Variants in SLC43A2 observed in about 807,000 individuals in gnomAD.
SLC43A2 encodes large neutral amino acids transporter small subunit 4.
SLC43A2 carries 38 observed loss-of-function variants against 63.2 expected under a neutral mutation model. The observed-to-expected ratio is 0.60, with a 90% CI of 0.46 to 0.79. The LOEUF (loss-of-function observed/expected upper bound fraction) is 0.79. Ranked by LOEUF, SLC43A2 falls within the 30% of genes least tolerant of loss-of-function variation. The pLI is 0.00. For missense variants in SLC43A2, 644 were observed against 756.2 expected (o/e 0.85, Z 1.74); for synonymous variants, 322 against 331.0 (o/e 0.97, Z 0.30).
chr17:1,596,102 C>T (rs1230410227), intron 5 of SLC43A2, among the ~76,000 whole-genome samples: 3 of 152,058 alleles, frequency 2.0e-5, no homozygotes, highest in Admixed American at 6.6e-5. Context: ...AGGCAGATCA[C>T]GAGGTCAGCA....
chr17:1,614,157 G>C (rs1008092571), intron 4 of SLC43A2, among the ~76,000 whole-genome samples: 1 of 152,076 alleles, frequency 6.6e-6, no homozygotes, highest in African/African-American at 2.4e-5. Flanking sequence ...GCAGGAGAAT[G>C]GCGTGAACCC....
chr17:1,601,047 C>T (rs1227578723), intron 5 of SLC43A2, among the ~76,000 whole-genome samples: 1 of 140,806 alleles, frequency 7.1e-6, no homozygotes, highest in Non-Finnish European at 1.5e-5. Context: ...ACTGATTTTC[C>T]ACCCCTCCCA....
chr17:1,624,899 T>TA (rs993513199), intron 2 of SLC43A2, among the ~76,000 whole-genome samples: 20 of 151,118 alleles, frequency 1.3e-4, no homozygotes, highest in South Asian at 2.1e-4. Flanking sequence ...CTGTCTCAAA[T>TA]AAAAAAAAAC....
chr17:1,623,652 C>T (rs1025061038), intron 2 of SLC43A2, among the ~76,000 whole-genome samples: 2 of 151,492 alleles, frequency 1.3e-5, no homozygotes, highest in African/African-American at 2.4e-5. Flanking sequence ...GTACCCTCCT[C>T]TCCTCCAGGG....
chr17:1,581,318 C>T (rs2076010555), intron 11 of SLC43A2, among the ~76,000 whole-genome samples: 1 of 152,214 alleles, frequency 6.6e-6, no homozygotes, highest in Non-Finnish European at 1.5e-5. Context: ...TGACTGTCCC[C>T]ACTGAGCACT....
upstream of SLC43A2, among the ~76,000 whole-genome samples, chr17:1,629,140 C>G (rs958371272): frequency 1.3e-5 from 2 of 152,110 alleles, no homozygotes; most frequent in African/African-American, 4.8e-5. Context: ...CCCTGCGAGG[C>G]TGGGGCTCCG....
In SLC43A2 at chr17:1,593,074, G is replaced by A. The variant is rs527604455; in HGVS notation, c.594+113C>T. 4.3e-6 allele frequency: 4 copies of A among 941,016 alleles called. No individual in the cohort carries two copies. Among genetic ancestry groups the A allele is most frequent in the South Asian group, 1.4e-5 (1 of 70,642 alleles). 58.3% of individuals were successfully genotyped at this position (941,016 alleles called of 1,614,324 possible). A position where few individuals can be genotyped will look rare whatever the true frequency, so the allele number is the denominator to read the frequency against. On this transcript the variant is annotated intron_variant, in intron 6 of 13. Transcript: ENST00000301335. The surrounding 1 kb of genome is among the most constrained non-coding windows in gnomAD (Gnocchi z 5.3). ...CCAGGTGCATCCTGCCCGGGTGGGG[G>A]TGGTGGAGAGGGGCCACCCCGGGTG...
rs1361302323 is a variant in SLC43A2 at position 1,569,380 on chromosome 17, T to G, written c.*6224A>C. On this transcript the variant is annotated 3_prime_UTR_variant, in exon 14 of 14. Coordinates refer to ENST00000301335, the MANE Select transcript of SLC43A2 (RefSeq NM_152346.3). ...GGGTCAGCCGCTGGGTTGACCCTGGTTAATACAGGGTACGGATTAACCCTT... is the reference window on the plus strand; with the variant it reads ...GGGTCAGCCGCTGGGTTGACCCTGGGTAATACAGGGTACGGATTAACCCTT... 6.6e-6 allele frequency: 1 copy of G among 152,326 alleles called. No homozygotes were observed. Among genetic ancestry groups the G allele is most frequent in the Non-Finnish European group, 1.5e-5 (1 of 68,112 alleles). The allele number at this position is 152,326 out of a possible 1,614,324, so 9.4% of individuals were successfully genotyped here.
chr17:1,585,871 G>C (rs1054942154), intron 10 of SLC43A2, 42 bp downstream of exon 10: 2 of 1,612,512 alleles, frequency 1.2e-6, no homozygotes, highest in African/African-American at 2.7e-5. Context: ...TTTCTGCAGG[G>C]GCTGCGGGCT....
Position 1,606,227 on chromosome 17 carries a change from G to A in SLC43A2, c.501+6968C>T, listed in dbSNP as rs1453215680. ...GTGGGACCCTCTCCTGGCTGCAGAC[G>A]CGGGGTCTACTGAGCCACGGCACTA... On this transcript the variant is annotated intron_variant, in intron 5 of 13. Coordinates refer to ENST00000301335, the MANE Select transcript of SLC43A2 (RefSeq NM_152346.3). This position sits in a 1 kb window ranked among gnomAD's most constrained non-coding sequence, Gnocchi z 4.7. 6.6e-6 allele frequency among the ~76,000 whole-genome samples: 1 copy of A among 152,166 alleles called. No homozygotes were observed. The highest frequency in any genetic ancestry group is 1.5e-5 in the Non-Finnish European group (1 of 68,024).
At chr17:1,615,689 A>G (rs1192141248) in intron 3 of SLC43A2, among the ~76,000 whole-genome samples, 5 of 149,254 alleles carry the variant, frequency 3.3e-5, no homozygotes, top group African/African-American at 1.2e-4. Context: ...TAAAAATACA[A>G]AAAATTAGCC....
intron 1 of SLC43A2, chr17:1,628,410 CA>C (rs900132834): frequency 2.0e-5 from 3 of 152,222 alleles, no homozygotes; most frequent in African/African-American, 7.2e-5. Flanking sequence ...GATCAGCGCC[CA>C]GACCTACGGA....
intron 9 of SLC43A2, among the ~76,000 whole-genome samples, chr17:1,590,293 G>A (rs971286423): frequency 6.6e-6 from 1 of 151,524 alleles, no homozygotes; most frequent in African/African-American, 2.4e-5. Flanking sequence ...TCAACTGTTC[G>A]CAAGCTCCGA....
chr17:1,613,139 C>A, intron 5 of SLC43A2, 56 bp downstream of exon 5: 1 of 1,466,388 alleles, frequency 6.8e-7, no homozygotes, highest in Non-Finnish European at 9.5e-7. Flanking sequence ...ATCAAAGCGG[C>A]CTCAAATTTA....
At chr17:1,575,916 TC>T (rs2075920554) in intron 13 of SLC43A2, 151 bp from the exon 14 acceptor site, 1 of 923,924 alleles carries the variant, frequency 1.1e-6, no homozygotes, top group East Asian at 2.7e-5. Flanking sequence ...TATGCCAGCG[TC>T]CCGGTTCCCA....
rs548205112 is a variant in SLC43A2 at position 1,575,417 on chromosome 17, C to T, written c.*187G>A. Reference sequence around the variant, plus strand: ...AGCCCCTGCGTTCGGCAGGAGAAAACGCGCGTGTCCGGGGCCCTCTCCCGT... The same window carrying T: ...AGCCCCTGCGTTCGGCAGGAGAAAATGCGCGTGTCCGGGGCCCTCTCCCGT... On this transcript the variant is annotated 3_prime_UTR_variant, in exon 14 of 14. Coordinates refer to ENST00000301335, the MANE Select transcript of SLC43A2 (RefSeq NM_152346.3). 9 of 727,884 alleles carry T rather than the reference C, an allele frequency of 1.2e-5. No homozygotes were observed. The highest frequency in any genetic ancestry group is 3.7e-5 in the South Asian group (2 of 53,986). The allele number at this position is 727,884 out of a possible 1,614,324, so 45.1% of individuals were successfully genotyped here.
chr17:1,594,909 C>CA (rs1905168882), intron 5 of SLC43A2, among the ~76,000 whole-genome samples: 1 of 151,988 alleles, frequency 6.6e-6, no homozygotes, highest in South Asian at 2.1e-4. Context: ...TTTTAAGAGA[C>CA]AGGATCTGCT....
intron 5 of SLC43A2, among the ~76,000 whole-genome samples, chr17:1,612,955 G>C (rs1907260968): frequency 6.6e-6 from 1 of 151,440 alleles, no homozygotes; most frequent in Non-Finnish European, 1.5e-5. Flanking sequence ...CTGGGCGACA[G>C]AGCAAGACTC....
At chr17:1,615,904 G>T (rs1397292419) in intron 3 of SLC43A2, among the ~76,000 whole-genome samples, 6 of 149,950 alleles carry the variant, frequency 4.0e-5, no homozygotes. Context: ...TTAGCTGGGT[G>T]TGGTGGCAGG....
Sources: gnomAD v4.1 joint callset for allele counts (sites outside exome capture counted in the v4.1 genomes callset) on GRCh38, gnomAD v4.1.1 for gene constraint, Gnocchi (gnomAD v3.1) non-coding constraint, MANE v1.5 for transcripts, NCBI Gene and HGNC (gene_info 2026-07-23, HGNC 2026-07-21) for gene names.